ASB7: variants seen among roughly 807,000 people sequenced by gnomAD.
The protein encoded by ASB7 is ankyrin repeat and SOCS box containing 7.
Under a neutral mutation model 32.5 loss-of-function variants are expected in ASB7, and 4 were observed. The ratio of observed to expected loss-of-function variants is 0.12; its 90% CI spans 0.06 to 0.28. The LOEUF is 0.28. ASB7 is among the 10% of genes least tolerant of loss of function. The probability of loss-of-function intolerance (pLI) is 1.00; values close to 1 mark genes in which losing one functional copy is unlikely to be tolerated. For missense variants in ASB7, 181 were observed against 407.1 expected (o/e 0.44, Z 4.78); for synonymous variants, 172 against 155.6 (o/e 1.11, Z -0.78).
chr15:100,619,653 T>C (rs886765948), intron 4 of ASB7, among the ~76,000 whole-genome samples: 3 of 152,200 alleles, frequency 2.0e-5, no homozygotes, highest in Admixed American at 6.5e-5. Context: ...TCAAATATAT[T>C]GATGGGTCAG....
At chr15:100,625,126 T>C (rs1250190741) in intron 4 of ASB7, among the ~76,000 whole-genome samples, 1 of 152,198 alleles carries the variant, frequency 6.6e-6, no homozygotes, top group Non-Finnish European at 1.5e-5. Context: ...AAGCTACAGC[T>C]TCCCGGGTGG....
At chr15:100,625,443 A>G (rs1597005157) in intron 4 of ASB7, among the ~76,000 whole-genome samples, 1 of 152,330 alleles carries the variant, frequency 6.6e-6, no homozygotes, top group East Asian at 1.9e-4. Context: ...CATTTGGAAA[A>G]TGGAATTTTA....
At chr15:100,610,299 C>A (rs1181429822) in intron 3 of ASB7, among the ~76,000 whole-genome samples, 1 of 151,830 alleles carries the variant, frequency 6.6e-6, no homozygotes, top group Admixed American at 6.6e-5. Context: ...TCGAGACCAT[C>A]CTGGCTAACA....
At chr15:100,631,941 A>G (rs2039886292) in intron 5 of ASB7, among the ~76,000 whole-genome samples, 2 of 152,244 alleles carry the variant, frequency 1.3e-5, no homozygotes, top group South Asian at 4.1e-4. Context: ...ATTCAACTCA[A>G]GCCTCCCAGT....
intron 5 of ASB7, among the ~76,000 whole-genome samples, chr15:100,640,254 C>T (rs1398624387): frequency 9.9e-5 from 15 of 152,104 alleles, no homozygotes; most frequent in Non-Finnish European, 1.5e-5. Context: ...ACGCAATTCT[C>T]CTGCCTCAGC....
intron 4 of ASB7, among the ~76,000 whole-genome samples, chr15:100,624,553 G>A (rs2039821625): frequency 6.6e-6 from 1 of 152,200 alleles, no homozygotes; most frequent in South Asian, 2.1e-4. Context: ...AAAATGGACA[G>A]ATTTCCTGAT....
At position 100,648,608 on chromosome 15, in the gene ASB7, GT is replaced by G; in HGVS notation, c.*148del. The G allele has an allele frequency of 1.6e-6, 1 of 631,086 alleles. No individual in the cohort carries two copies. The highest frequency in any genetic ancestry group is 3.5e-5 in the South Asian group (1 of 28,196). The allele number at this position is 631,086 out of a possible 1,614,324, so 39.1% of individuals were successfully genotyped here. A position where few individuals can be genotyped will look rare whatever the true frequency, so the allele number is the denominator to read the frequency against. ...CACTTTTGGGTTTTCTGTTTGTTTGGTTGGTTTTCATTGTAGGGGAGGGATT... is the reference window on the plus strand; with the variant it reads ...CACTTTTGGGTTTTCTGTTTGTTTGGTGGTTTTCATTGTAGGGGAGGGATT... On this transcript the variant is annotated 3_prime_UTR_variant, in exon 6 of 6. Transcript: ENST00000332783.
At chr15:100,641,791 A>G (rs369020990) in intron 5 of ASB7, among the ~76,000 whole-genome samples, 21 of 152,324 alleles carry the variant, frequency 1.4e-4, no homozygotes, top group African/African-American at 5.1e-4. Context: ...CATATTTAAA[A>G]ATGTATTTAC....
At chr15:100,628,125 A>G (rs1321702347) in intron 4 of ASB7, among the ~76,000 whole-genome samples, 2 of 152,254 alleles carry the variant, frequency 1.3e-5, no homozygotes, top group African/African-American at 2.4e-5. Flanking sequence ...AATAGATACA[A>G]CTAATACTAC....
At chr15:100,643,483 T>C (rs1412776553) in intron 5 of ASB7, among the ~76,000 whole-genome samples, 2 of 132,826 alleles carry the variant, frequency 1.5e-5, no homozygotes, top group Non-Finnish European at 3.2e-5. Flanking sequence ...TCTTCTTTTT[T>C]TTTTTTTTTT....
chr15:100,624,548 G>T (rs920185720), intron 4 of ASB7, among the ~76,000 whole-genome samples: 2 of 152,174 alleles, frequency 1.3e-5, no homozygotes, highest in African/African-American at 4.8e-5. Flanking sequence ...TAGGAAAAAT[G>T]GACAGATTTC....
At chr15:100,635,681 G>A (rs1358088548) in intron 5 of ASB7, among the ~76,000 whole-genome samples, 1 of 152,198 alleles carries the variant, frequency 6.6e-6, no homozygotes, top group Non-Finnish European at 1.5e-5. Context: ...CAGTTGTAAG[G>A]TGTGGGGAGG....
At chr15:100,605,759 A>C (rs1372897568) in intron 2 of ASB7, among the ~76,000 whole-genome samples, 1 of 152,236 alleles carries the variant, frequency 6.6e-6, no homozygotes, top group Non-Finnish European at 1.5e-5. Context: ...GACCTAGGTT[A>C]ATAAGATAAT....
chr15:100,613,509 G>A (rs1295710474), intron 4 of ASB7, among the ~76,000 whole-genome samples: 1 of 152,226 alleles, frequency 6.6e-6, no homozygotes, highest in Non-Finnish European at 1.5e-5. Context: ...TCTCTGGCCT[G>A]TGCCTACTTT....
chr15:100,648,249 A>G (rs2040009421), intron 5 of ASB7, 74 bp from the exon 6 acceptor site: 1 of 1,430,172 alleles, frequency 7.0e-7, no homozygotes, highest in Non-Finnish European at 9.4e-7. Flanking sequence ...AGGGAAATGA[A>G]CAGTTCTTTT....
intron 4 of ASB7, among the ~76,000 whole-genome samples, chr15:100,628,403 G>C (rs2039858000): frequency 6.6e-6 from 1 of 152,098 alleles, no homozygotes; most frequent in African/African-American, 2.4e-5. Flanking sequence ...TGTATGTGTA[G>C]GTGTGTGTGT....
intron 5 of ASB7, among the ~76,000 whole-genome samples, chr15:100,630,729 C>T (rs2039877256): frequency 6.6e-6 from 1 of 152,044 alleles, no homozygotes; most frequent in African/African-American, 2.4e-5. Flanking sequence ...GTAACGCGTG[C>T]GTCCTAGTTG....
intron 5 of ASB7, among the ~76,000 whole-genome samples, chr15:100,630,774 G>C (rs1056325463): frequency 3.3e-5 from 5 of 152,106 alleles, no homozygotes; most frequent in African/African-American, 4.8e-5. Flanking sequence ...TGTGTACTTA[G>C]CCATCCTCTC....
chr15:100,605,692 C>G (rs980476776), intron 2 of ASB7, among the ~76,000 whole-genome samples: 1 of 152,196 alleles, frequency 6.6e-6, no homozygotes, highest in African/African-American at 2.4e-5. Context: ...ATGATTGTCT[C>G]CTTTCTTGCA....
Sources: allele counts gnomAD v4.1 joint callset (sites outside exome capture counted in the v4.1 genomes callset), GRCh38; gene constraint gnomAD v4.1.1; transcripts MANE v1.5; gene names NCBI Gene and HGNC (gene_info 2026-07-23, HGNC 2026-07-21).